The following P2RX7 variants were observed in gnomAD, a reference collection of about 807,000 sequenced individuals.
P2RX7 encodes purinergic receptor P2X 7.
P2RX7 carries 62 observed loss-of-function variants against 71.6 expected under a neutral mutation model. The observed-to-expected ratio is 0.87, with a 90% confidence interval of 0.71 to 1.07. The LOEUF (loss-of-function observed/expected upper bound fraction) is 1.07, where lower values mean the gene tolerates loss of function less well. P2RX7 is among the 50% of genes least tolerant of loss of function. The pLI, the probability that P2RX7 is intolerant of heterozygous loss-of-function variation, is 0.00. For missense variants in P2RX7, 686 were observed against 748.5 expected (o/e 0.92, Z 0.97); for synonymous variants, 299 against 283.3 (o/e 1.06, Z -0.56).
intron 1 of P2RX7, among the ~76,000 whole-genome samples, chr12:121,137,518 G>T (rs139011764): frequency 1.3e-5 from 2 of 152,296 alleles, no homozygotes; most frequent in Non-Finnish European, 2.9e-5. Context: ...TTTCTCTACA[G>T]TTTGTATTTT....
intron 8 of P2RX7, 72 bp from the exon 9 acceptor site, chr12:121,175,310 CAAAAAA>C: frequency 4.3e-5 from 20 of 463,312 alleles, no homozygotes; most frequent in East Asian, 6.4e-5. Context: ...GACCCTGTCT[CAAAAAA>C]AAAAAAAAAA....
At position 121,184,732 on chromosome 12, in the gene P2RX7, GC is replaced by G; in HGVS notation, c.1720del (p.Arg574AlafsTer32). 6.4e-7 allele frequency: 1 copy of G among 1,558,604 alleles called. No individual in the cohort carries two copies. Among genetic ancestry groups the G allele is most frequent in the Non-Finnish European group, 8.7e-7 (1 of 1,150,756 alleles). ...GACTTTGCCATCCTGCCCAGCTGCTGCCGCTGGAGGATCCGGAAAGAGTTTC... is the reference window on the plus strand; with the variant it reads ...GACTTTGCCATCCTGCCCAGCTGCTGCGCTGGAGGATCCGGAAAGAGTTTC... The part of the protein sequence containing the change: ...MADFAILPSC[C>X]RWRIRKEFPK... On this transcript the variant is annotated frameshift_variant, in exon 13 of 13. Transcript: ENST00000328963. LOFTEE classifies it high-confidence loss of function.
Position 121,180,423 on chromosome 12 carries a change from A to T in P2RX7, c.1258A>T (p.Ser420Cys). The change falls in exon 12 of 13, where the codon AGT (serine) becomes TGT (cysteine). Residue 420 changes from serine to cysteine, a missense_variant. Ser to Cys is a moderately radical substitution (Grantham distance 112). Coordinates refer to ENST00000328963, the MANE Select transcript of P2RX7 (RefSeq NM_002562.6). ...GGTGAACCAGCAGCTACTAGGGAGAAGTCTGCAAGATGTCAAGGGCCAAGA... is the reference window on the plus strand; with the variant it reads ...GGTGAACCAGCAGCTACTAGGGAGATGTCTGCAAGATGTCAAGGGCCAAGA... The part of the protein sequence containing the change: ...RMVNQQLLGR[S>C]LQDVKGQEVP... The T allele has an allele frequency of 6.2e-7, 1 of 1,603,660 alleles. No homozygotes were observed. The highest frequency in any genetic ancestry group is 1.1e-5 in the South Asian group (1 of 89,140).
At chr12:121,141,478 G>A (rs1874851583) in intron 1 of P2RX7, among the ~76,000 whole-genome samples, 1 of 152,236 alleles carries the variant, frequency 6.6e-6, no homozygotes, top group South Asian at 2.1e-4. Context: ...CAGTGGCAGA[G>A]AAGGCGAGGC....
chr12:121,169,231 C>T (rs530381394), intron 8 of P2RX7, among the ~76,000 whole-genome samples: 3 of 152,258 alleles, frequency 2.0e-5, no homozygotes, highest in East Asian at 1.9e-4. Context: ...CCTCCTAAAG[C>T]GTTGGGATTG....
intron 1 of P2RX7, 90 bp downstream of exon 1, chr12:121,133,185 C>T: frequency 6.9e-7 from 1 of 1,456,426 alleles, no homozygotes. Flanking sequence ...CATTCTGAAT[C>T]TCACATGGTT....
chr12:121,162,095 G>A (rs1457631464), intron 4 of P2RX7, among the ~76,000 whole-genome samples: 2 of 152,122 alleles, frequency 1.3e-5, no homozygotes, highest in Non-Finnish European at 2.9e-5. Flanking sequence ...CCCTTTGAGA[G>A]GCCATGTTCT....
chr12:121,157,303 T>C (rs1878769259), intron 3 of P2RX7, among the ~76,000 whole-genome samples: 1 of 152,200 alleles, frequency 6.6e-6, no homozygotes, highest in South Asian at 2.1e-4. Flanking sequence ...GCTTCCTGAG[T>C]GTCCAGGACC....
intron 1 of P2RX7, among the ~76,000 whole-genome samples, chr12:121,133,535 T>C (rs1872876396): frequency 6.6e-6 from 1 of 152,246 alleles, no homozygotes; most frequent in African/African-American, 2.4e-5. Flanking sequence ...AAGGCCCTGC[T>C]TTTTGGTTTT....
chr12:121,156,236 G>T (rs1479627063), intron 3 of P2RX7, 89 bp downstream of exon 3: 2 of 1,053,218 alleles, frequency 1.9e-6, no homozygotes, highest in Non-Finnish European at 3.0e-6. Flanking sequence ...GGACCCTGGG[G>T]TGTATTTGAG....
At position 121,162,447 on chromosome 12, in the gene P2RX7, G is replaced by T; in HGVS notation, c.460G>T (p.Val154Leu). Reference protein sequence around the residue: ...SKGIQTGRCVVYEGNQKTCEV... With the variant: ...SKGIQTGRCVLYEGNQKTCEV... Reference sequence around the variant, plus strand: ...AGGAATTCAGACCGGAAGGTGTGTAGTGTATGAAGGGAACCAGAAGACCTG... The same window carrying T: ...AGGAATTCAGACCGGAAGGTGTGTATTGTATGAAGGGAACCAGAAGACCTG... Residue 154 changes from valine (V) to leucine (L), a missense_variant, in exon 5 of 13, where the codon GTG becomes TTG. Coordinates refer to ENST00000328963, the MANE Select transcript of P2RX7 (RefSeq NM_002562.6). 1.2e-6 allele frequency: 2 copies of T among 1,613,960 alleles called. No homozygotes were observed. The highest frequency in any genetic ancestry group is 1.7e-6 in the Non-Finnish European group (2 of 1,179,976).
intron 7 of P2RX7, 57 bp from the exon 8 acceptor site, chr12:121,167,431 G>A (rs1881311732): frequency 1.3e-6 from 2 of 1,596,124 alleles, no homozygotes; most frequent in Non-Finnish European, 1.7e-6. Context: ...GAGATGTCTG[G>A]CGGTTGCGTA....
rs151191599 is a variant in P2RX7 at position 121,172,274 on chromosome 12, A to T, written c.882-3114A>T. ...AACCTTCCCAGGCAAACCAACTCAC[A>T]TAGGGAGATAATGCCAATCCCAGGG... On this transcript the variant is annotated intron_variant, in intron 8 of 12. Transcript: ENST00000328963. Among the ~76,000 whole-genome samples the T allele has an allele frequency of 1.2e-3, 179 of 152,316 alleles. 1 individual carries two copies. The highest frequency in any genetic ancestry group is 3.3e-3 in the African/African-American group (139 of 41,570).
At chr12:121,162,541 G>A (rs771839217) in intron 5 of P2RX7, 21 bp downstream of exon 5, 1 of 1,610,292 alleles carries the variant, frequency 6.2e-7, no homozygotes, top group Non-Finnish European at 8.5e-7. Flanking sequence ...TGGGGAGACA[G>A]ACACAGTGGC....
At chr12:121,137,702 C>T (rs1873987062) in intron 1 of P2RX7, among the ~76,000 whole-genome samples, 1 of 152,140 alleles carries the variant, frequency 6.6e-6, no homozygotes, top group South Asian at 2.1e-4. Context: ...CATGACTTAG[C>T]CATCTGTGAA....
chr12:121,162,182 GAGCC>G (rs1879860539), intron 4 of P2RX7: 5 of 1,252,224 alleles, frequency 4.0e-6, no homozygotes, highest in Non-Finnish European at 1.0e-6. Context: ...AGAAACAAAA[GAGCC>G]AGCAGAATCC....
At position 121,184,577 on chromosome 12, in the gene P2RX7, C is replaced by T. The variant is rs2230913; in HGVS notation, c.1563C>T (p.His521=). 5.3e-5 allele frequency: 86 copies of T among 1,614,002 alleles called. No individual in the cohort carries two copies. The highest frequency in any genetic ancestry group is 2.7e-5 in the Non-Finnish European group (32 of 1,180,034). The change falls in exon 13 of 13, where the codon CAC becomes CAT. Residue 521 remains histidine, a synonymous_variant. Transcript: ENST00000328963. ...ELFRKLVLSR[H]VLQFLLLYQE... Reference sequence around the variant, plus strand: ...TCAGGAAGCTGGTCCTGTCCAGACACGTCCTGCAGTTCCTCCTGCTCTACC... The same window carrying T: ...TCAGGAAGCTGGTCCTGTCCAGACATGTCCTGCAGTTCCTCCTGCTCTACC...
rs147435951 is a variant in P2RX7, at chr12:121,158,372, C to A, written c.363+2225C>A. Among the ~76,000 whole-genome samples, 46 of 152,212 alleles carry A rather than the reference C, an allele frequency of 3.0e-4. No homozygotes were observed. The East Asian group carries it at 8.5e-3, about 28-fold the overall frequency. On this transcript the variant is annotated intron_variant, in intron 3 of 12. Coordinates refer to ENST00000328963, the MANE Select transcript of P2RX7 (RefSeq NM_002562.6). ...CATCCCTTGGAGCCTCAATTGGCAC[C>A]CAGGGATAGCTAGACATCTCTTCCT...
In P2RX7 at chr12:121,184,527, G is replaced by A. The variant is rs754061406; in HGVS notation, c.1513G>A (p.Ala505Thr). ...EELCCRKKPG[A>T]CITTSELFRK... ...GCTGTGCTGCCGGAAAAAGCCGGGG[G>A]CCTGCATCACCACCTCAGAGCTGTT... Residue 505 changes from alanine to threonine, a missense_variant, in exon 13 of 13, where the codon GCC becomes ACC. Ala to Thr is a moderately conservative substitution (Grantham distance 58). Coordinates refer to ENST00000328963, the MANE Select transcript of P2RX7 (RefSeq NM_002562.6). 3.7e-6 allele frequency: 6 copies of A among 1,614,206 alleles called. No homozygotes were observed. The highest frequency in any genetic ancestry group is 5.1e-6 in the Non-Finnish European group (6 of 1,180,016).
Sources: gnomAD v4.1 joint callset for allele counts (sites outside exome capture counted in the v4.1 genomes callset) on GRCh38, gnomAD v4.1.1 for gene constraint, MANE v1.5 for transcripts, NCBI Gene and HGNC (gene_info 2026-07-23, HGNC 2026-07-21) for gene names.